The following TNPO3 variants were observed in gnomAD, a reference collection of about 807,000 sequenced individuals.
TNPO3 encodes transportin 3.
A neutral mutation model predicts 122.8 loss-of-function variants in TNPO3; 65 were observed. The ratio of observed to expected loss-of-function variants is 0.53; its 90% CI spans 0.43 to 0.65. TNPO3 has a LOEUF of 0.65. Among genes scored for constraint, TNPO3 ranks in the 30% least tolerant of loss-of-function variants. The pLI, the probability that TNPO3 is intolerant of heterozygous loss-of-function variation, is 0.00. For missense variants in TNPO3, 850 were observed against 1,136.7 expected (o/e 0.75, Z 3.63); for synonymous variants, 372 against 411.2 (o/e 0.90, Z 1.15).
intron 1 of TNPO3, among the ~76,000 whole-genome samples, chr7:129,052,574 G>A (rs1808912752): frequency 6.6e-6 from 1 of 152,148 alleles, no homozygotes; most frequent in African/African-American, 2.4e-5. Context: ...ATAGAGTATT[G>A]GAAAGTAAGG....
Position 128,976,000 on chromosome 7 carries a change from G to A in TNPO3, c.2062-65C>T, listed in dbSNP as rs931168376. Reference sequence around the variant, plus strand: ...TCAAAAAGTACCAACTTACGAAGCTGTCTCCAGGAAGAAATTCAGAGATAG... The same window carrying A: ...TCAAAAAGTACCAACTTACGAAGCTATCTCCAGGAAGAAATTCAGAGATAG... On this transcript the variant is annotated intron_variant, in intron 16 of 22. Transcript: ENST00000265388. 13 of 1,121,982 alleles carry A rather than the reference G, an allele frequency of 1.2e-5. No individual in the cohort carries two copies. The African/African-American group carries it at 2.0e-4, about 17-fold the overall frequency. The allele number at this position is 1,121,982 out of a possible 1,614,324, so 69.5% of individuals were successfully genotyped here.
At chr7:128,985,586 CCT>C (rs1443849947) in intron 12 of TNPO3, among the ~76,000 whole-genome samples, 1 of 152,080 alleles carries the variant, frequency 6.6e-6, no homozygotes, top group African/African-American at 2.4e-5. Flanking sequence ...CAAGCGAGAC[CCT>C]GTCTCTAAAA....
rs931250911 is a variant in TNPO3 at position 129,015,015 on chromosome 7, ATCT to A, written c.513_515del (p.Glu171del). On this transcript the variant is annotated inframe_deletion, in exon 4 of 23. Transcript: ENST00000265388. ...CTACTGTACTAGAGTAGAAGGCCAA[ATCT>A]TCTATAATTTCTGTGCGCCGATTAG... 6.2e-7 allele frequency: 1 copy of A among 1,611,962 alleles called. No individual in the cohort carries two copies.
intron 5 of TNPO3, among the ~76,000 whole-genome samples, chr7:129,003,633 T>C (rs1339896610): frequency 6.6e-6 from 1 of 152,040 alleles, no homozygotes; most frequent in East Asian, 1.9e-4. Flanking sequence ...CCAATGGAGC[T>C]ACTCCAGTCT....
At chr7:128,958,394 C>T (rs529014356) in intron 21 of TNPO3, among the ~76,000 whole-genome samples, 151 of 152,196 alleles carry the variant, frequency 9.9e-4, no homozygotes, top group African/African-American at 3.2e-3. Flanking sequence ...CCGCCCGCCT[C>T]GGCCTCACAA....
chr7:128,968,966 T>G (rs1379963245), intron 20 of TNPO3, among the ~76,000 whole-genome samples: 1 of 152,052 alleles, frequency 6.6e-6, no homozygotes, highest in Non-Finnish European at 1.5e-5. Flanking sequence ...CGTCAAGTGA[T>G]CCTCCTGCCT....
chr7:128,994,620 A>G (rs933117581), intron 8 of TNPO3, among the ~76,000 whole-genome samples: 4 of 152,136 alleles, frequency 2.6e-5, no homozygotes, highest in Non-Finnish European at 5.9e-5. Context: ...AGATCTACCA[A>G]AATCAACCAC....
chr7:129,041,538 G>C (rs1445666225), intron 1 of TNPO3: 4 of 984,460 alleles, frequency 4.1e-6, no homozygotes, highest in Non-Finnish European at 4.8e-6. Context: ...TCTTTATAAG[G>C]AGAGAATAAA....
chr7:129,051,111 G>A (rs1035395860), intron 1 of TNPO3, among the ~76,000 whole-genome samples: 5 of 151,058 alleles, frequency 3.3e-5, no homozygotes, highest in Admixed American at 3.3e-4. Context: ...AGATTTGAGG[G>A]TGACTTATTG....
intron 4 of TNPO3, among the ~76,000 whole-genome samples, chr7:129,014,772 G>A (rs1481920701): frequency 6.6e-6 from 1 of 152,128 alleles, no homozygotes; most frequent in Non-Finnish European, 1.5e-5. Flanking sequence ...TCATAAAAGA[G>A]ATAACGTCAC....
At chr7:129,045,026 G>A (rs1325133483) in intron 1 of TNPO3, among the ~76,000 whole-genome samples, 2 of 152,174 alleles carry the variant, frequency 1.3e-5, no homozygotes, top group African/African-American at 4.8e-5. Flanking sequence ...CCTTAAAAAG[G>A]AAGGAATTTC....
At position 129,017,338 on chromosome 7, in the gene TNPO3, A is replaced by G. The variant is rs184278638; in HGVS notation, c.322-282T>C. 9.2e-5 allele frequency among the ~76,000 whole-genome samples: 14 copies of G among 152,302 alleles called. No individual in the cohort carries two copies. In the East Asian group the frequency reaches 2.3e-3, roughly 25 times the overall value. ...TATAGACATTCCTCAAAATATATCAATATTTACTTTTATTTGGCAATACCA... is the reference window on the plus strand; with the variant it reads ...TATAGACATTCCTCAAAATATATCAGTATTTACTTTTATTTGGCAATACCA... On this transcript the variant is annotated intron_variant, in intron 2 of 22. Coordinates refer to ENST00000265388, the MANE Select transcript of TNPO3 (RefSeq NM_012470.4).
intron 12 of TNPO3, among the ~76,000 whole-genome samples, chr7:128,984,839 A>T (rs1799983232): frequency 6.6e-6 from 1 of 152,234 alleles, no homozygotes; most frequent in Admixed American, 6.5e-5. Context: ...AAAAAAAGTT[A>T]CAAAAGCCTC....
chr7:128,985,100 G>A (rs1321039610), intron 12 of TNPO3, among the ~76,000 whole-genome samples: 2 of 151,998 alleles, frequency 1.3e-5, no homozygotes, highest in East Asian at 1.9e-4. Context: ...GAATATAAAT[G>A]TTTTCACTTC....
At chr7:129,034,136 A>G (rs1312259555) in intron 1 of TNPO3, among the ~76,000 whole-genome samples, 13 of 152,236 alleles carry the variant, frequency 8.5e-5, no homozygotes, top group Non-Finnish European at 1.8e-4. Context: ...CCTCAAGGAC[A>G]TTATACTAAG....
At chr7:129,003,701 A>T (rs972809121) in intron 5 of TNPO3, among the ~76,000 whole-genome samples, 1 of 152,168 alleles carries the variant, frequency 6.6e-6, no homozygotes. Context: ...GAAAAAAAGT[A>T]GCATGATTTT....
intron 20 of TNPO3, among the ~76,000 whole-genome samples, chr7:128,968,288 G>A (rs556362822): frequency 6.6e-6 from 1 of 152,148 alleles, no homozygotes; most frequent in South Asian, 2.1e-4. Context: ...AAAAAACCTT[G>A]CTCTTGTTGC....
intron 1 of TNPO3, among the ~76,000 whole-genome samples, chr7:129,052,669 T>C (rs1808923823): frequency 3.9e-5 from 6 of 152,246 alleles, no homozygotes; most frequent in Admixed American, 3.9e-4. Context: ...CTTCGTAGAA[T>C]ATTAACTCAT....
chr7:128,981,237 A>T (rs1182580426), intron 14 of TNPO3, among the ~76,000 whole-genome samples: 4 of 152,246 alleles, frequency 2.6e-5, no homozygotes, highest in African/African-American at 9.6e-5. Context: ...CTAGTAACAC[A>T]TCACCTTTTT....
Sources: allele counts gnomAD v4.1 joint callset (sites outside exome capture counted in the v4.1 genomes callset), GRCh38; gene constraint gnomAD v4.1.1; transcripts MANE v1.5; gene names NCBI Gene and HGNC (gene_info 2026-07-23, HGNC 2026-07-21).